PTPRD: variants seen among roughly 807,000 people sequenced by gnomAD.
PTPRD encodes protein tyrosine phosphatase receptor type D, also known as receptor-type tyrosine-protein phosphatase delta.
Under a neutral mutation model 214.5 loss-of-function variants are expected in PTPRD, and 34 were observed. The observed-to-expected ratio is 0.16, with a 90% CI of 0.12 to 0.21. The LOEUF is 0.21. Among genes scored for constraint, PTPRD ranks in the 10% least tolerant of loss-of-function variants. PTPRD has a pLI of 1.00. For missense variants in PTPRD, 2,545 were observed against 2,398.7 expected (o/e 1.06, Z -1.27); for synonymous variants, 1,128 against 845.7 (o/e 1.33, Z -5.79).
Position 8,331,754 on chromosome 9 carries a change from C to T in PTPRD, c.5380-18G>A, listed in dbSNP as rs2131660519. On this transcript the variant is annotated intron_variant, in intron 43 of 45. Coordinates refer to ENST00000381196, the MANE Select transcript of PTPRD (RefSeq NM_002839.4). ...TGGCCGTCCTTTAGAAGGAAAGCCA[C>T]ATACCCGGCCGCAAAGGAAGACGCC... The T allele has an allele frequency of 6.4e-7, 1 of 1,556,628 alleles. No homozygotes were observed. Among genetic ancestry groups the T allele is most frequent in the Non-Finnish European group, 8.7e-7 (1 of 1,154,210 alleles).
chr9:10,549,535 T>C (rs576255494), intron 2 of PTPRD, among the ~76,000 whole-genome samples: 2 of 152,226 alleles, frequency 1.3e-5, no homozygotes, highest in African/African-American at 2.4e-5. Flanking sequence ...ACTTGGAGTA[T>C]GTACGTAGCA....
intron 10 of PTPRD, among the ~76,000 whole-genome samples, chr9:9,165,521 G>T (rs2099901434): frequency 6.6e-6 from 1 of 152,164 alleles, no homozygotes; most frequent in African/African-American, 2.4e-5. Flanking sequence ...GGGATAGATA[G>T]AAACTATATT....
At chr9:9,439,534 G>A (rs969401627) in intron 8 of PTPRD, among the ~76,000 whole-genome samples, 2 of 152,160 alleles carry the variant, frequency 1.3e-5, no homozygotes, top group African/African-American at 2.4e-5. Flanking sequence ...AACAAGCTCA[G>A]CAACAGCATG....
At chr9:9,746,065 G>C (rs2098454846) in intron 6 of PTPRD, among the ~76,000 whole-genome samples, 2 of 152,046 alleles carry the variant, frequency 1.3e-5, no homozygotes, top group Non-Finnish European at 2.9e-5. Context: ...AGTTTCCTCA[G>C]GAAACCCAAG....
At chr9:8,873,542 A>C (rs1005783404) in intron 11 of PTPRD, among the ~76,000 whole-genome samples, 4 of 152,088 alleles carry the variant, frequency 2.6e-5, no homozygotes, top group Non-Finnish European at 5.9e-5. Flanking sequence ...GTTCCCTAAG[A>C]GCTAGAAAGT....
At chr9:8,626,834 A>G (rs75568627) in intron 14 of PTPRD, among the ~76,000 whole-genome samples, 15,429 of 151,612 alleles carry the variant, frequency 0.1, 879 homozygotes, top group East Asian at 0.19. Flanking sequence ...CCAGCTGCCA[A>G]CTTTGGCAGA....
chr9:8,753,045 G>A (rs769359499), intron 11 of PTPRD, among the ~76,000 whole-genome samples: 5 of 152,058 alleles, frequency 3.3e-5, no homozygotes, highest in South Asian at 2.1e-4. Context: ...GGCTTCTTAC[G>A]GTTACATCTA....
chr9:9,007,473 A>AT (rs34466364), intron 11 of PTPRD, among the ~76,000 whole-genome samples: 17 of 133,442 alleles, frequency 1.3e-4, no homozygotes, highest in East Asian at 1.1e-3. Context: ...TTAAAAATAT[A>AT]TTTTTTTTTA....
intron 30 of PTPRD, among the ~76,000 whole-genome samples, chr9:8,478,167 G>A (rs2096803884): frequency 6.6e-6 from 1 of 152,092 alleles, no homozygotes; most frequent in African/African-American, 2.4e-5. Flanking sequence ...CTACCTCACA[G>A]GGTTATTGTG....
chr9:8,786,033 T>TTTTGTG (rs148848994), intron 11 of PTPRD, among the ~76,000 whole-genome samples: 3 of 143,224 alleles, frequency 2.1e-5, no homozygotes, highest in Non-Finnish European at 4.6e-5. Flanking sequence ...GCTTAATTTG[T>TTTTGTG]TGTGTGTGTG....
chr9:9,752,990 C>T (rs1416019250), intron 6 of PTPRD, among the ~76,000 whole-genome samples: 2 of 152,078 alleles, frequency 1.3e-5, no homozygotes, highest in East Asian at 3.9e-4. Flanking sequence ...TACTTAACAA[C>T]TAACCCCACT....
At chr9:8,857,816 C>G (rs2097964566) in intron 11 of PTPRD, 1 of 155,804 alleles carries the variant, frequency 6.4e-6, no homozygotes, top group South Asian at 1.8e-4. Flanking sequence ...CCGCCCAGCC[C>G]TCGTGCGGCC....
chr9:8,711,931 A>G (rs1345119426), intron 12 of PTPRD, among the ~76,000 whole-genome samples: 1 of 152,220 alleles, frequency 6.6e-6, no homozygotes, highest in African/African-American at 2.4e-5. Flanking sequence ...CATTCTGCTC[A>G]GTGAAAGAAG....
At chr9:10,209,930 A>G (rs2099507992) in intron 3 of PTPRD, among the ~76,000 whole-genome samples, 1 of 152,178 alleles carries the variant, frequency 6.6e-6, no homozygotes, top group South Asian at 2.1e-4. Context: ...ACAAATAAGT[A>G]CAATATTTCT....
At chr9:10,030,641 G>T (rs1231996122) in intron 4 of PTPRD, among the ~76,000 whole-genome samples, 4 of 152,264 alleles carry the variant, frequency 2.6e-5, no homozygotes, top group Non-Finnish European at 2.9e-5. Context: ...TATATGAGGG[G>T]CCTGGTGATG....
At chr9:8,724,114 AAAGAT>A (rs1484045706) in intron 12 of PTPRD, among the ~76,000 whole-genome samples, 1 of 152,232 alleles carries the variant, frequency 6.6e-6, no homozygotes, top group African/African-American at 2.4e-5. Flanking sequence ...ATATTAACAA[AAAGAT>A]AAGTTTAGAT....
At chr9:10,418,528 T>C (rs986864628) in intron 2 of PTPRD, among the ~76,000 whole-genome samples, 1 of 150,882 alleles carries the variant, frequency 6.6e-6, no homozygotes, top group East Asian at 2.0e-4. Flanking sequence ...TGTAATTTTC[T>C]CCATAGCATT....
intron 36 of PTPRD, among the ~76,000 whole-genome samples, chr9:8,402,527 C>T (rs2092531251): frequency 6.6e-6 from 1 of 152,140 alleles, no homozygotes; most frequent in Admixed American, 6.5e-5. Context: ...ACAAGTTCCC[C>T]AGGCGAGACC....
intron 11 of PTPRD, among the ~76,000 whole-genome samples, chr9:8,784,975 G>A (rs1232873223): frequency 1.3e-5 from 2 of 152,092 alleles, no homozygotes; most frequent in African/African-American, 2.4e-5. Context: ...GGGACTCCGA[G>A]AGCACCATTA....
Sources: allele counts gnomAD v4.1 joint callset (sites outside exome capture counted in the v4.1 genomes callset), GRCh38; gene constraint gnomAD v4.1.1; transcripts MANE v1.5; gene names NCBI Gene and HGNC (gene_info 2026-07-23, HGNC 2026-07-21).